TAB2: variants seen among roughly 807,000 people sequenced by gnomAD.
The protein encoded by TAB2 is TGF-beta activated kinase 1 (MAP3K7) binding protein 2, also known as TGF-beta-activated kinase 1 and MAP3K7-binding protein 2.
TAB2 carries 3 observed loss-of-function variants against 65.0 expected under a neutral mutation model. The observed-to-expected ratio is 0.05, with a 90% CI of 0.02 to 0.12. TAB2 has a LOEUF of 0.12. Ranked by LOEUF, TAB2 falls within the 10% of genes least tolerant of loss-of-function variation. TAB2 has a pLI of 1.00. For missense variants in TAB2, 623 were observed against 840.3 expected, an observed-to-expected ratio of 0.74 and a Z score of 3.20; for synonymous variants, 298 against 285.1, an observed-to-expected ratio of 1.05 and a Z score of -0.46.
intron 1 of TAB2, among the ~76,000 whole-genome samples, chr6:149,318,275 G>T (rs1219410487): frequency 1.3e-5 from 2 of 151,722 alleles, no homozygotes; most frequent in African/African-American, 4.8e-5. Flanking sequence ...CGTCCGTGCG[G>T]GGGGGGAGGG....
chr6:149,254,140 G>A (rs903421381), intron 1 of TAB2, among the ~76,000 whole-genome samples: 5 of 150,272 alleles, frequency 3.3e-5, no homozygotes, highest in East Asian at 2.0e-4. Context: ...GAAAGGAAAG[G>A]AAAGGAAAGA....
chr6:149,224,150 T>G (rs1302288750), intron 1 of TAB2, among the ~76,000 whole-genome samples: 1 of 152,196 alleles, frequency 6.6e-6, no homozygotes, highest in African/African-American at 2.4e-5. Flanking sequence ...TAACTACAGC[T>G]GACCTTGGAA....
At position 149,317,905 on chromosome 6, in the gene TAB2, C is replaced by T. The variant is rs1779304418; in HGVS notation, c.-200C>T. 1.2e-5 allele frequency: 2 copies of T among 170,492 alleles called. No individual in the cohort carries two copies. The highest frequency in any genetic ancestry group is 1.1e-4 in the South Asian group (1 of 9,368). 10.6% of individuals were successfully genotyped at this position (170,492 alleles called of 1,614,324 possible). A position where few individuals can be genotyped will look rare whatever the true frequency, so the allele number is the denominator to read the frequency against. Reference sequence around the variant, plus strand: ...CGGGTGGAACCGGAGGCGGCGGCGGCGCTGGCGGCGGCCGTGGTGGCGGAG... The same window carrying T: ...CGGGTGGAACCGGAGGCGGCGGCGGTGCTGGCGGCGGCCGTGGTGGCGGAG... On this transcript the variant is annotated 5_prime_UTR_variant, in exon 1 of 7. Transcript: ENST00000637181. The surrounding 1 kb of genome is among the most constrained non-coding windows in gnomAD (Gnocchi z 4.7).
chr6:149,275,015 C>T (rs1208246292), intron 1 of TAB2, among the ~76,000 whole-genome samples: 1 of 152,040 alleles, frequency 6.6e-6, no homozygotes, highest in African/African-American at 2.4e-5. Context: ...CTCTCCACCC[C>T]ACTGCAGGAC....
At chr6:149,399,758 T>C (rs1397452943) in intron 6 of TAB2, among the ~76,000 whole-genome samples, 1 of 152,178 alleles carries the variant, frequency 6.6e-6, no homozygotes, top group Non-Finnish European at 1.5e-5. Context: ...CTGCTGAAGG[T>C]AAAAATATAG....
At chr6:149,356,439 A>G (rs1457087805) in intron 1 of TAB2, among the ~76,000 whole-genome samples, 1 of 152,216 alleles carries the variant, frequency 6.6e-6, no homozygotes, top group Non-Finnish European at 1.5e-5. Flanking sequence ...TAGCTTATAA[A>G]CAGCAGAAGT....
At chr6:149,270,899 C>T (rs1187158418) in intron 1 of TAB2, among the ~76,000 whole-genome samples, 2 of 152,066 alleles carry the variant, frequency 1.3e-5, no homozygotes, top group Non-Finnish European at 2.9e-5. Context: ...GGATTCTGGT[C>T]TTGAAGAGTG....
chr6:149,358,464 T>C (rs1451188390), intron 1 of TAB2, among the ~76,000 whole-genome samples: 2 of 152,228 alleles, frequency 1.3e-5, no homozygotes, highest in African/African-American at 4.8e-5. Flanking sequence ...TGTATTATTC[T>C]GTCTTCCGGC....
intron 1 of TAB2, among the ~76,000 whole-genome samples, chr6:149,343,556 A>ATAG (rs1780199017): frequency 6.6e-6 from 1 of 152,194 alleles, no homozygotes; most frequent in Admixed American, 6.5e-5. Flanking sequence ...AATGTATTAT[A>ATAG]TAGTACTTTA....
In TAB2 at chr6:149,368,955, AAG is replaced by A. The variant is rs200123057; in HGVS notation, c.-89-950_-89-949del. On this transcript the variant is annotated intron_variant, in intron 1 of 6. Coordinates refer to ENST00000637181, the MANE Select transcript of TAB2 (RefSeq NM_001292034.3). ...TAAAATGCTAGATATACAATAATAA[AAG>A]AGACCCAATTTCTACATTCATGAAT... Among the ~76,000 whole-genome samples the A allele has an allele frequency of 4.0e-3, 615 of 152,258 alleles. 3 individuals carry two copies. Among genetic ancestry groups the A allele is most frequent in the African/African-American group, 0.014 (592 of 41,554 alleles).
intron 1 of TAB2, among the ~76,000 whole-genome samples, chr6:149,349,472 G>A (rs747745741): frequency 6.6e-6 from 1 of 150,810 alleles, no homozygotes; most frequent in African/African-American, 2.4e-5. Context: ...AATCAGTAAT[G>A]TGACTGGGTG....
At chr6:149,314,670 A>T (rs1779220068), upstream of TAB2, among the ~76,000 whole-genome samples, 1 of 152,192 alleles carries the variant, frequency 6.6e-6, no homozygotes, top group Admixed American at 6.5e-5. Flanking sequence ...AGTCTGTTCT[A>T]CTACAAGCCC....
intron 1 of TAB2, among the ~76,000 whole-genome samples, chr6:149,271,270 G>T (rs1291142583): frequency 2.0e-5 from 3 of 152,040 alleles, no homozygotes; most frequent in Non-Finnish European, 2.9e-5. Context: ...GGAAACTCCT[G>T]CTCTGTAAAA....
chr6:149,393,915 T>C (rs969633503), intron 3 of TAB2, among the ~76,000 whole-genome samples: 1 of 152,164 alleles, frequency 6.6e-6, no homozygotes, highest in African/African-American at 2.4e-5. Flanking sequence ...TTTTCAGCAC[T>C]TTGACTGTGA....
At chr6:149,355,028 G>A (rs1397711062) in intron 1 of TAB2, among the ~76,000 whole-genome samples, 2 of 152,128 alleles carry the variant, frequency 1.3e-5, no homozygotes, top group African/African-American at 2.4e-5. Context: ...TATAGAGACT[G>A]CACTCTGAGG....
At chr6:149,221,022 G>C (rs1035669565) in intron 1 of TAB2, 1 of 152,158 alleles carries the variant, frequency 6.6e-6, no homozygotes. Context: ...ACTTCACTTA[G>C]TTATTTTCAA....
intron 1 of TAB2, among the ~76,000 whole-genome samples, chr6:149,302,605 A>T (rs1310184920): frequency 1.3e-5 from 2 of 152,196 alleles, no homozygotes; most frequent in East Asian, 3.8e-4. Flanking sequence ...GACTCTTCTG[A>T]TGATGGAGGA....
At chr6:149,400,341 AC>A in intron 6 of TAB2, 1 of 1,585,594 alleles carries the variant, frequency 6.3e-7, no homozygotes, top group Non-Finnish European at 8.6e-7. Flanking sequence ...TTAGGTGCGG[AC>A]CCGCCACCTC....
upstream of TAB2, among the ~76,000 whole-genome samples, chr6:149,313,160 T>A (rs1006446010): frequency 2.0e-5 from 3 of 152,020 alleles, no homozygotes; most frequent in African/African-American, 7.3e-5. Flanking sequence ...TTAATTATTA[T>A]TTTTATTTTA....
Sources: allele counts gnomAD v4.1 joint callset (sites outside exome capture counted in the v4.1 genomes callset), GRCh38; gene constraint gnomAD v4.1.1; non-coding constraint Gnocchi (gnomAD v3.1); transcripts MANE v1.5; gene names NCBI Gene and HGNC (gene_info 2026-07-23, HGNC 2026-07-21).